The following SORCS1 variants were observed in gnomAD, a reference collection of about 807,000 sequenced individuals.
SORCS1 encodes the protein VPS10 domain-containing receptor SorCS1.
SORCS1 carries 60 observed loss-of-function variants against 146.1 expected under a neutral mutation model. That is an observed-to-expected ratio of 0.41 (90% CI 0.33 to 0.51). SORCS1 has a LOEUF of 0.51. Ranked by LOEUF, SORCS1 falls within the 20% of genes least tolerant of loss-of-function variation. The pLI, the probability that SORCS1 is intolerant of heterozygous loss-of-function variation, is 0.21. For missense variants in SORCS1, 1,352 were observed against 1,487.6 expected, an observed-to-expected ratio of 0.91 and a Z score of 1.50; for synonymous variants, 637 against 584.0, an observed-to-expected ratio of 1.09 and a Z score of -1.31.
chr10:106,917,760 T>C (rs1952515306), intron 2 of SORCS1, among the ~76,000 whole-genome samples: 1 of 152,186 alleles, frequency 6.6e-6, no homozygotes, highest in Admixed American at 6.5e-5. Flanking sequence ...GATTGCAAGG[T>C]GGCTTGGCAA....
rs76879983 is a variant in SORCS1 at position 107,008,020 on chromosome 10, A to T, written c.559-51440T>A. Among the ~76,000 whole-genome samples, 360 of 148,222 alleles carry T rather than the reference A, an allele frequency of 2.4e-3. 10 individuals carry two copies. In the East Asian group the frequency reaches 0.055, roughly 23 times the overall value. Reference sequence around the variant, plus strand: ...TGTCTAAAGATTTATTTATTTGTCTATTGTAGGTTAATTATTCACATTAGA... The same window carrying T: ...TGTCTAAAGATTTATTTATTTGTCTTTTGTAGGTTAATTATTCACATTAGA... On this transcript the variant is annotated intron_variant, in intron 1 of 25. Transcript: ENST00000263054.
chr10:106,971,436 T>C (rs1955782576), intron 1 of SORCS1, among the ~76,000 whole-genome samples: 1 of 152,242 alleles, frequency 6.6e-6, no homozygotes, highest in African/African-American at 2.4e-5. Flanking sequence ...TGAGCAATTA[T>C]TGTAACTAGC....
chr10:106,762,285 A>T (rs1859175214), intron 4 of SORCS1, among the ~76,000 whole-genome samples: 1 of 152,006 alleles, frequency 6.6e-6, no homozygotes, highest in African/African-American at 2.4e-5. Context: ...AAATAAGCCT[A>T]GCTTATCTAT....
intron 1 of SORCS1, among the ~76,000 whole-genome samples, chr10:106,971,687 C>T (rs190359319): frequency 1.3e-5 from 2 of 152,284 alleles, no homozygotes; most frequent in Non-Finnish European, 1.5e-5. Context: ...TTTTCCTGTT[C>T]TTTCGTTCAA....
chr10:107,127,122 A>C (rs1370652699), intron 1 of SORCS1, among the ~76,000 whole-genome samples: 1 of 79,284 alleles, frequency 1.3e-5, no homozygotes, highest in African/African-American at 2.9e-5. Context: ...TGCATAAAAC[A>C]AAAAAAAATG....
At position 106,792,970 on chromosome 10, in the gene SORCS1, C is replaced by T. The variant is rs114992219; in HGVS notation, c.727-16278G>A. On this transcript the variant is annotated intron_variant, in intron 3 of 25. Coordinates refer to ENST00000263054, the MANE Select transcript of SORCS1 (RefSeq NM_052918.5). ...GGATGAGCAGATGTTCATCATTCAA[C>T]CATTCATTTCATTTTTTTTAAAATC... Among the ~76,000 whole-genome samples the T allele has an allele frequency of 8.0e-3, 1,219 of 152,224 alleles. 17 individuals are homozygous for T. The highest frequency in any genetic ancestry group is 0.027 in the African/African-American group (1,122 of 41,530).
chr10:106,822,935 C>CGCACT (rs1948126236), intron 3 of SORCS1, among the ~76,000 whole-genome samples: 1 of 151,802 alleles, frequency 6.6e-6, no homozygotes, highest in South Asian at 2.1e-4. Flanking sequence ...CACCTGCCAC[C>CGCACT]GCACCCGGCT....
chr10:107,166,311 T>C (rs1485330648), upstream of SORCS1, among the ~76,000 whole-genome samples: 1 of 152,214 alleles, frequency 6.6e-6, no homozygotes, highest in Non-Finnish European at 1.5e-5. Context: ...ATGAAATTCT[T>C]TCTAATGTCC....
At chr10:107,147,271 A>C (rs1968409093) in intron 1 of SORCS1, among the ~76,000 whole-genome samples, 1 of 152,130 alleles carries the variant, frequency 6.6e-6, no homozygotes, top group Non-Finnish European at 1.5e-5. Context: ...CCCTGCTGAG[A>C]CTTTGCAACA....
chr10:106,618,906 T>G (rs1457715624), intron 20 of SORCS1, among the ~76,000 whole-genome samples: 2 of 152,082 alleles, frequency 1.3e-5, no homozygotes, highest in African/African-American at 4.8e-5. Context: ...AAAAAAAAAT[T>G]TGGCGTGGTG....
At chr10:106,639,910 C>T (rs374262535) in intron 18 of SORCS1, among the ~76,000 whole-genome samples, 8 of 151,850 alleles carry the variant, frequency 5.3e-5, no homozygotes, top group African/African-American at 1.9e-4. Context: ...CCCAGCTACT[C>T]GGGAGGCTGA....
rs1951459518 is a variant in SORCS1 at position 106,895,978 on chromosome 10, T to C, written c.626+60535A>G. On this transcript the variant is annotated intron_variant, in intron 2 of 25. Coordinates refer to ENST00000263054, the MANE Select transcript of SORCS1 (RefSeq NM_052918.5). Reference sequence around the variant, plus strand: ...ATATATATATATGCCTACATACATATAATATTTAGCCTTACAAAGGAAGAA... The same window carrying C: ...ATATATATATATGCCTACATACATACAATATTTAGCCTTACAAAGGAAGAA... Among the ~76,000 whole-genome samples the C allele has an allele frequency of 2.0e-5, 3 of 151,842 alleles. 1 individual carries two copies. The South Asian group carries it at 6.2e-4, about 32-fold the overall frequency.
At chr10:107,086,670 T>C (rs1022689228) in intron 1 of SORCS1, among the ~76,000 whole-genome samples, 6 of 152,218 alleles carry the variant, frequency 3.9e-5, no homozygotes, top group African/African-American at 1.4e-4. Context: ...TTGTATTAAG[T>C]GACCTACCAG....
chr10:107,022,077 C>T (rs929047627), intron 1 of SORCS1, among the ~76,000 whole-genome samples: 12 of 152,116 alleles, frequency 7.9e-5, no homozygotes, highest in Admixed American at 2.6e-4. Flanking sequence ...ATTTTAACGG[C>T]CCTCTCCCTC....
At chr10:106,811,418 T>A (rs1448907167) in intron 3 of SORCS1, among the ~76,000 whole-genome samples, 1 of 152,202 alleles carries the variant, frequency 6.6e-6, no homozygotes, top group East Asian at 1.9e-4. Flanking sequence ...AGTGTAGTAC[T>A]TGGTCTACGT....
At chr10:106,865,437 A>G (rs1950192631) in intron 2 of SORCS1, among the ~76,000 whole-genome samples, 2 of 152,270 alleles carry the variant, frequency 1.3e-5, no homozygotes, top group Non-Finnish European at 1.5e-5. Flanking sequence ...AAAGTGGCCA[A>G]ACTGGGCCAG....
At chr10:106,863,474 G>A (rs1345862358) in intron 2 of SORCS1, among the ~76,000 whole-genome samples, 1 of 149,498 alleles carries the variant, frequency 6.7e-6, no homozygotes, top group African/African-American at 2.5e-5. Flanking sequence ...GCAGTAAGCT[G>A]AGATCGTACC....
intron 2 of SORCS1, among the ~76,000 whole-genome samples, chr10:106,883,307 A>AT (rs1159883045): frequency 5.3e-5 from 8 of 152,162 alleles, no homozygotes; most frequent in African/African-American, 1.9e-4. Flanking sequence ...ATCTTCATAG[A>AT]TTTTTTCTTT....
chr10:106,870,113 T>C (rs542488817), intron 2 of SORCS1, among the ~76,000 whole-genome samples: 1 of 151,886 alleles, frequency 6.6e-6, no homozygotes, highest in South Asian at 2.1e-4. Context: ...AAGGATAAAA[T>C]ACCTAGAAAT....
Sources: allele counts gnomAD v4.1 joint callset (sites outside exome capture counted in the v4.1 genomes callset), GRCh38; gene constraint gnomAD v4.1.1; transcripts MANE v1.5; gene names NCBI Gene and HGNC (gene_info 2026-07-23, HGNC 2026-07-21).